The following APEH variants were observed in gnomAD, a reference collection of about 807,000 sequenced individuals.
The protein encoded by APEH is acylamino-acid-releasing enzyme.
A neutral mutation model predicts 102.7 loss-of-function variants in APEH; 75 were observed. The observed-to-expected ratio is 0.73, with a 90% CI of 0.61 to 0.89. The LOEUF is 0.89. Ranked by LOEUF, APEH falls within the 40% of genes least tolerant of loss-of-function variation. APEH has a pLI of 0.00. For synonymous variants in APEH, 344 were observed against 362.7 expected (o/e 0.95, Z 0.59); for missense variants, 863 against 941.2 (o/e 0.92, Z 1.09).
At chr3:49,683,012 A>T in intron 20 of APEH, 28 bp from the exon 21 acceptor site, 1 of 1,612,236 alleles carries the variant, frequency 6.2e-7, no homozygotes, top group Non-Finnish European at 8.5e-7. Context: ...AGCTCAACAC[A>T]GCTCCCCACT....
Position 49,683,417 on chromosome 3 carries a change from C to A in APEH, c.*75C>A. ...TGAGGAGCTCAACGGTCTGGCAGGG[C>A]AGCAGGAGGCTTTCTGGGCTCTGGA... On this transcript the variant is annotated 3_prime_UTR_variant, in exon 22 of 22. Coordinates refer to ENST00000296456, the MANE Select transcript of APEH (RefSeq NM_001640.4). 7.6e-7 allele frequency: 1 copy of A among 1,317,028 alleles called. No homozygotes were observed. Among genetic ancestry groups the A allele is most frequent in the South Asian group, 1.2e-5 (1 of 84,208 alleles). 81.6% of individuals were successfully genotyped at this position (1,317,028 alleles called of 1,614,324 possible). A position where few individuals can be genotyped will look rare whatever the true frequency, so the allele number is the denominator to read the frequency against.
At chr3:49,677,153 G>A (rs938392840) in intron 10 of APEH, 129 bp downstream of exon 10, 8 of 1,346,132 alleles carry the variant, frequency 5.9e-6, no homozygotes, top group Middle Eastern at 4.8e-4. Flanking sequence ...ATGCAGCAGC[G>A]GTGTGAGTTC....
chr3:49,675,732 C>G lies in APEH; in HGVS notation c.311C>G (p.Ala104Gly), dbSNP rs1281285359. The change falls in exon 4 of 22, where the codon GCT (alanine) becomes GGT (glycine). Residue 104 changes from alanine to glycine, a missense_variant. Transcript: ENST00000296456. ...GAGTCTCCTTCAGGCACCATGAAAGCTGTGCTGCGCAAGGCTGGAGGCACG... is the reference window on the plus strand; with the variant it reads ...GAGTCTCCTTCAGGCACCATGAAAGGTGTGCTGCGCAAGGCTGGAGGCACG... Reference protein sequence around the residue: ...SRESPSGTMKAVLRKAGGTGP... With the variant: ...SRESPSGTMKGVLRKAGGTGP... The G allele has an allele frequency of 6.2e-7, 1 of 1,613,902 alleles. No individual in the cohort carries two copies. Among genetic ancestry groups the G allele is most frequent in the African/African-American group, 1.3e-5 (1 of 74,924 alleles).
intron 20 of APEH, 46 bp from the exon 21 acceptor site, chr3:49,682,994 C>T: frequency 6.2e-7 from 1 of 1,611,068 alleles, no homozygotes; most frequent in Non-Finnish European, 8.5e-7. Context: ...ATCCAGAATC[C>T]AGGGCCCAGC....
chr3:49,679,445 C>A lies in APEH; in HGVS notation c.1159-148C>A. The A allele has an allele frequency of 1.3e-6, 1 of 785,898 alleles. No individual in the cohort carries two copies. Among genetic ancestry groups the A allele is most frequent in the Non-Finnish European group, 2.2e-6 (1 of 464,258 alleles). The allele number at this position is 785,898 out of a possible 1,614,324, so 48.7% of individuals were successfully genotyped here. A position where few individuals can be genotyped will look rare whatever the true frequency, so the allele number is the denominator to read the frequency against. On this transcript the variant is annotated intron_variant, in intron 12 of 21. Transcript: ENST00000296456. This position sits in a 1 kb window ranked among gnomAD's most constrained non-coding sequence, Gnocchi z 4.3. ...ACCCAGGCCCTCACACTACTCCCTA[C>A]TGCACTGAGTAACCATCACCATAGC... is the stretch of plus-strand genomic sequence containing the variant.
chr3:49,676,496 A>T lies in APEH; in HGVS notation c.725A>T (p.Glu242Val), dbSNP rs773534553. ...GNISVLEGVP[E>V]NVSPGQAFWA... The stretch of plus-strand genomic sequence containing the variant: ...ATCTCTGTGCTTGAGGGGGTCCCTG[A>T]GAATGTGTCCCCTGGACAGGTCAGC... The change falls in exon 7 of 22, where the codon GAG becomes GTG. Residue 242 changes from glutamate to valine, a missense_variant. Glu to Val is a moderately radical substitution (Grantham distance 121, BLOSUM62 -2). Coordinates refer to ENST00000296456, the MANE Select transcript of APEH (RefSeq NM_001640.4). The T allele has an allele frequency of 6.2e-7, 1 of 1,614,214 alleles. No individual in the cohort carries two copies. Among genetic ancestry groups the T allele is most frequent in the Non-Finnish European group, 8.5e-7 (1 of 1,180,032 alleles).
In APEH at chr3:49,676,107, T is replaced by C; in HGVS notation, c.494T>C (p.Val165Ala). 2 of 1,614,218 alleles carry C rather than the reference T, an allele frequency of 1.2e-6. No homozygotes were observed. Among genetic ancestry groups the C allele is most frequent in the South Asian group, 1.1e-5 (1 of 91,088 alleles). ...WSHSETHLLY[V>A]AEKKRPKAES... ...CACTCGGAGACACACTTGTTGTATG[T>C]GGCAGAGAAGAAGCGCCCCAAGGCC... The change falls in exon 6 of 22, where the codon GTG (valine) becomes GCG (alanine). Residue 165 changes from valine to alanine, a missense_variant. By Grantham distance (64) the Val-to-Ala change is moderately conservative. Coordinates refer to ENST00000296456, the MANE Select transcript of APEH (RefSeq NM_001640.4).
chr3:49,680,532 C>A lies in APEH; in HGVS notation c.1211-9C>A, dbSNP rs769901250. On this transcript the variant is annotated splice_polypyrimidine_tract_variant and intron_variant, in intron 13 of 21. Transcript: ENST00000296456. The stretch of plus-strand genomic sequence containing the variant: ...CTGCTAAGCACTTAATGGCATCTGC[C>A]TTTTCCAGGAGGGTCAGGTGGGAGC... 6.2e-7 allele frequency: 1 copy of A among 1,613,756 alleles called. No individual in the cohort carries two copies. Among genetic ancestry groups the A allele is most frequent in the Admixed American group, 1.7e-5 (1 of 60,018 alleles).
At position 49,674,401 on chromosome 3, in the gene APEH, T is replaced by G. The variant is rs781180291; in HGVS notation, c.-1T>G. ...CTCGCCCCGGCGGCAGAGAGGAGAC[T>G]ATGGAACGTCAGGTGAGGGCTCGGC... On this transcript the variant is annotated 5_prime_UTR_variant, in exon 1 of 22. Coordinates refer to ENST00000296456, the MANE Select transcript of APEH (RefSeq NM_001640.4). 2.5e-6 allele frequency: 4 copies of G among 1,576,788 alleles called. No homozygotes were observed. Among genetic ancestry groups the G allele is most frequent in the Middle Eastern group, 1.8e-4 (1 of 5,466 alleles).
At chr3:49,678,757 G>A in intron 11 of APEH, 95 bp from the exon 12 acceptor site, 1 of 1,042,172 alleles carries the variant, frequency 9.6e-7, no homozygotes, top group Non-Finnish European at 1.5e-6. Context: ...CCTGAGTAGG[G>A]CCCTGGGTGA....
intron 15 of APEH, 67 bp from the exon 16 acceptor site, chr3:49,681,655 T>C: frequency 7.3e-7 from 1 of 1,368,288 alleles, no homozygotes; most frequent in Admixed American, 2.7e-5. Flanking sequence ...CACCTGCAGC[T>C]AGAGATGGGG....
At chr3:49,673,806 C>A (rs2052883064), upstream of APEH, among the ~76,000 whole-genome samples, 1 of 131,136 alleles carries the variant, frequency 7.6e-6, no homozygotes, top group Non-Finnish European at 1.5e-5. Context: ...CTCACCCTCA[C>A]GCTCACGCTC....
In APEH at chr3:49,676,087, G is replaced by A. The variant is rs144465961; in HGVS notation, c.474G>A (p.Ser158=). The change falls in exon 6 of 22, where the codon TCG becomes TCA. Residue 158 remains serine (S), a synonymous_variant. Coordinates refer to ENST00000296456, the MANE Select transcript of APEH (RefSeq NM_001640.4). ...TTGGCTGCCTGTCCTGGTCGCACTC[G>A]GAGACACACTTGTTGTATGTGGCAG... ...DCFGCLSWSH[S]ETHLLYVAEK... 2.0e-5 allele frequency: 32 copies of A among 1,614,210 alleles called. No homozygotes were observed. In the African/African-American group the frequency reaches 3.1e-4, roughly 15 times the overall value.
intron 10 of APEH, among the ~76,000 whole-genome samples, 164 bp from the exon 11 acceptor site, chr3:49,677,409 C>T (rs2053110346): frequency 6.6e-6 from 1 of 152,124 alleles, no homozygotes; most frequent in Non-Finnish European, 1.5e-5. Context: ...ATCTGAGGCC[C>T]CTTGGGCATC....
At chr3:49,677,549 C>T (rs2053118015) in intron 10 of APEH, 24 bp from the exon 11 acceptor site, 3 of 1,608,146 alleles carry the variant, frequency 1.9e-6, no homozygotes, top group Non-Finnish European at 2.6e-6. Flanking sequence ...CCCTACTGGA[C>T]CTGACCATTG....
chr3:49,679,572 G>A lies in APEH; in HGVS notation c.1159-21G>A. The A allele has an allele frequency of 2.5e-6, 4 of 1,613,526 alleles. 1 individual carries two copies. Among genetic ancestry groups the A allele is most frequent in the Non-Finnish European group, 1.7e-6 (2 of 1,179,542 alleles). ...AGTACTCTTGGATGTGGTCGCACCTGTGGCCTTGCCTCTGCTTCAGGACCT... is the reference window on the plus strand; with the variant it reads ...AGTACTCTTGGATGTGGTCGCACCTATGGCCTTGCCTCTGCTTCAGGACCT... On this transcript the variant is annotated intron_variant, in intron 12 of 21. Coordinates refer to ENST00000296456, the MANE Select transcript of APEH (RefSeq NM_001640.4). The surrounding 1 kb of genome is among the most constrained non-coding windows in gnomAD (Gnocchi z 4.3).
chr3:49,676,208 C>G lies in APEH; in HGVS notation c.595C>G (p.Gln199Glu). ...GATAGCCAGGCTGAAGAAGCCAGAC[C>G]AAGCCATCAAGGTGCTCGTGGTCAA... ...DEIARLKKPDQAIKGDQFVFY... is the reference protein window; with the variant it reads ...DEIARLKKPDEAIKGDQFVFY... Residue 199 changes from glutamine (Q) to glutamate (E), a missense_variant, in exon 6 of 22, where the codon CAA (glutamine) becomes GAA (glutamate). Physicochemically the swap from Gln to Glu is conservative, Grantham distance 29. Transcript: ENST00000296456. 6.2e-7 allele frequency: 1 copy of G among 1,613,960 alleles called. No individual in the cohort carries two copies. The highest frequency in any genetic ancestry group is 8.5e-7 in the Non-Finnish European group (1 of 1,179,978).
chr3:49,683,718 G>A lies in APEH; in HGVS notation c.*376G>A. The A allele has an allele frequency of 2.1e-6, 1 of 476,544 alleles. No homozygotes were observed. Among genetic ancestry groups the A allele is most frequent in the Admixed American group, 3.7e-5 (1 of 27,374 alleles). The allele number at this position is 476,544 out of a possible 1,614,324, so 29.5% of individuals were successfully genotyped here. A position where few individuals can be genotyped will look rare whatever the true frequency, so the allele number is the denominator to read the frequency against. ...TTCCCTGCTGCAGCCCCTTCCATTAGCAACTACTCTGTACCACCCTTCCCA... is the reference window on the plus strand; with the variant it reads ...TTCCCTGCTGCAGCCCCTTCCATTAACAACTACTCTGTACCACCCTTCCCA... On this transcript the variant is annotated 3_prime_UTR_variant, in exon 22 of 22. Transcript: ENST00000296456.
At chr3:49,675,527 G>C in intron 3 of APEH, 167 bp from the exon 4 acceptor site, 1 of 960,348 alleles carries the variant, frequency 1.0e-6, no homozygotes, top group Non-Finnish European at 1.6e-6. Context: ...GAGTTGCAGA[G>C]AGTAGAGTCT....
Sources: gnomAD v4.1 joint callset for allele counts (sites outside exome capture counted in the v4.1 genomes callset) on GRCh38, gnomAD v4.1.1 for gene constraint, Gnocchi (gnomAD v3.1) non-coding constraint, MANE v1.5 for transcripts, NCBI Gene and HGNC (gene_info 2026-07-23, HGNC 2026-07-21) for gene names.